Variants in DSCAML1 observed in about 807,000 individuals in gnomAD.
DSCAML1 encodes DS cell adhesion molecule like 1, also known as cell adhesion molecule DSCAML1.
DSCAML1 carries 38 observed loss-of-function variants against 200.5 expected under a neutral mutation model. That is an observed-to-expected ratio of 0.19 (90% CI 0.15 to 0.25). The LOEUF (loss-of-function observed/expected upper bound fraction) is 0.25, where lower values mean the gene tolerates loss of function less well. Ranked by LOEUF, DSCAML1 falls within the 10% of genes least tolerant of loss-of-function variation. The probability of loss-of-function intolerance (pLI) is 1.00; values close to 1 mark genes in which losing one functional copy is unlikely to be tolerated. For missense variants in DSCAML1, 2,223 were observed against 2,858.8 expected (o/e 0.78, Z 5.07); for synonymous variants, 1,215 against 1,165.0 (o/e 1.04, Z -0.87).
chr11:117,776,970 G>A, intron 2 of DSCAML1, 33 bp from the exon 3 acceptor site: 1 of 1,611,582 alleles, frequency 6.2e-7, no homozygotes, highest in Non-Finnish European at 8.5e-7. Flanking sequence ...GAAGAGAAGA[G>A]TGTCACAAGG....
intron 3 of DSCAML1, among the ~76,000 whole-genome samples, chr11:117,628,377 A>G (rs922420500): frequency 1.3e-5 from 2 of 152,178 alleles, no homozygotes; most frequent in Non-Finnish European, 2.9e-5. Context: ...AATAGCAGGA[A>G]CCTGAGGCCA....
At chr11:117,615,466 T>C (rs1170500319) in intron 3 of DSCAML1, among the ~76,000 whole-genome samples, 1 of 152,178 alleles carries the variant, frequency 6.6e-6, no homozygotes, top group Non-Finnish European at 1.5e-5. Flanking sequence ...GAAGATTTCA[T>C]GGAAGCAGAC....
chr11:117,462,887 C>T (rs2137153696), intron 17 of DSCAML1, among the ~76,000 whole-genome samples: 1 of 152,326 alleles, frequency 6.6e-6, no homozygotes, highest in South Asian at 2.1e-4. Context: ...CTTTCTTCTC[C>T]CCTCTCCTCT....
intron 3 of DSCAML1, among the ~76,000 whole-genome samples, chr11:117,656,695 G>C (rs966763640): frequency 6.6e-6 from 1 of 152,228 alleles, no homozygotes; most frequent in Middle Eastern, 3.2e-3. Flanking sequence ...TAGGGGTGCT[G>C]GGATTTGAAG....
intron 3 of DSCAML1, 148 bp from the exon 4 acceptor site, chr11:117,532,670 T>G: frequency 1.2e-6 from 1 of 830,312 alleles, no homozygotes. Context: ...GTGTAGATGC[T>G]CCAGGGTTTA....
chr11:117,800,773 C>T (rs1291308185), upstream of DSCAML1: 1 of 152,124 alleles, frequency 6.6e-6, no homozygotes, highest in African/African-American at 2.4e-5. Context: ...GAGCCCTCTC[C>T]AATTCAGGTT....
intron 3 of DSCAML1, among the ~76,000 whole-genome samples, chr11:117,707,060 C>T (rs1426093984): frequency 1.3e-5 from 2 of 152,184 alleles, no homozygotes; most frequent in Non-Finnish European, 2.9e-5. Context: ...TCTTACTTGG[C>T]TTTGGCTGAG....
chr11:117,730,991 G>A (rs1164525619), intron 3 of DSCAML1, among the ~76,000 whole-genome samples: 4 of 152,180 alleles, frequency 2.6e-5, no homozygotes, highest in Non-Finnish European at 5.9e-5. Flanking sequence ...CCTCGGTCAG[G>A]GAAAGGGATG....
At chr11:117,627,440 C>T (rs1219217903) in intron 3 of DSCAML1, among the ~76,000 whole-genome samples, 1 of 152,132 alleles carries the variant, frequency 6.6e-6, no homozygotes, top group Non-Finnish European at 1.5e-5. Flanking sequence ...GCCTCTATGT[C>T]GTCCCCAGCC....
chr11:117,673,695 G>T (rs548825269), intron 3 of DSCAML1, among the ~76,000 whole-genome samples: 1 of 152,246 alleles, frequency 6.6e-6, no homozygotes, highest in East Asian at 1.9e-4. Context: ...ATCACCACTG[G>T]GTTGAGGAGG....
chr11:117,720,319 A>T (rs2054021576), intron 3 of DSCAML1, among the ~76,000 whole-genome samples: 1 of 152,224 alleles, frequency 6.6e-6, no homozygotes, highest in African/African-American at 2.4e-5. Flanking sequence ...GCTGAATGGC[A>T]TAAAGAGTGC....
intron 3 of DSCAML1, among the ~76,000 whole-genome samples, chr11:117,719,828 C>T (rs896830873): frequency 7.2e-5 from 11 of 152,126 alleles, no homozygotes; most frequent in African/African-American, 2.4e-4. Flanking sequence ...AAGGTCCAGG[C>T]GGGCAGAGCT....
chr11:117,459,926 A>G (rs2048446117), intron 18 of DSCAML1, among the ~76,000 whole-genome samples: 1 of 152,126 alleles, frequency 6.6e-6, no homozygotes, highest in Admixed American at 6.5e-5. Flanking sequence ...GCGTGAGAAG[A>G]CTCCAGGTCA....
upstream of DSCAML1, chr11:117,797,277 G>A: frequency 3.0e-6 from 4 of 1,349,728 alleles, no homozygotes; most frequent in Non-Finnish European, 3.8e-6. Context: ...GCTGGGCTAG[G>A]CGGCCGCTCT....
intron 3 of DSCAML1, among the ~76,000 whole-genome samples, chr11:117,680,812 C>T (rs2053297140): frequency 6.6e-6 from 1 of 152,182 alleles, no homozygotes; most frequent in Non-Finnish European, 1.5e-5. Flanking sequence ...AGGCAGGGTC[C>T]GTTCCCCTCC....
intron 3 of DSCAML1, among the ~76,000 whole-genome samples, chr11:117,682,106 C>A (rs866540877): frequency 2.0e-5 from 3 of 152,166 alleles, no homozygotes; most frequent in Non-Finnish European, 4.4e-5. Context: ...CACAAAGATG[C>A]CTGGGTGCCA....
intron 1 of DSCAML1, among the ~76,000 whole-genome samples, chr11:117,805,799 C>T (rs2055703299): frequency 6.6e-6 from 1 of 152,224 alleles, no homozygotes; most frequent in Non-Finnish European, 1.5e-5. Flanking sequence ...AGTCCCTGCC[C>T]TCAGGAAGCT....
intron 3 of DSCAML1, among the ~76,000 whole-genome samples, chr11:117,739,692 C>T (rs1178002489): frequency 6.6e-6 from 1 of 152,088 alleles, no homozygotes; most frequent in Non-Finnish European, 1.5e-5. Context: ...CAACAGTGCC[C>T]CTGAAGATGG....
intron 3 of DSCAML1, among the ~76,000 whole-genome samples, chr11:117,707,862 C>T (rs187134873): frequency 6.6e-6 from 1 of 152,304 alleles, no homozygotes; most frequent in East Asian, 1.9e-4. Flanking sequence ...GTCCAGCTGC[C>T]TGATGGCATT....
Sources: allele counts gnomAD v4.1 joint callset (sites outside exome capture counted in the v4.1 genomes callset), GRCh38; gene constraint gnomAD v4.1.1; transcripts MANE v1.5; gene names NCBI Gene and HGNC (gene_info 2026-07-23, HGNC 2026-07-21).